TTLL9: variants seen among roughly 807,000 people sequenced by gnomAD.
The protein encoded by TTLL9 is probable tubulin polyglutamylase TTLL9.
In TTLL9, 47 loss-of-function variants were observed where a neutral mutation model predicts 65.6. The ratio of observed to expected loss-of-function variants is 0.72; its 90% CI spans 0.57 to 0.91. The LOEUF (loss-of-function observed/expected upper bound fraction) is 0.91, where lower values mean the gene tolerates loss of function less well. TTLL9 is among the 40% of genes least tolerant of loss of function. The pLI is 0.00. For synonymous variants in TTLL9, 179 were observed against 204.8 expected, an observed-to-expected ratio of 0.87 and a Z score of 1.07; for missense variants, 537 against 568.8, an observed-to-expected ratio of 0.94 and a Z score of 0.57.
intron 6 of TTLL9, 31 bp from the exon 7 acceptor site, chr20:31,919,833 G>C (rs1393904214): frequency 6.4e-7 from 1 of 1,568,810 alleles, no homozygotes; most frequent in Non-Finnish European, 8.6e-7. Context: ...GCAGAGCTAA[G>C]AGCTGGCTTT....
chr20:31,899,866 G>T (rs540627927), intron 4 of TTLL9, among the ~76,000 whole-genome samples: 1 of 151,842 alleles, frequency 6.6e-6, no homozygotes, highest in African/African-American at 2.4e-5. Context: ...CCAGGTTCAC[G>T]CCATTCTCCT....
chr20:31,870,654 C>A lies in TTLL9; in HGVS notation c.-301C>A, dbSNP rs2062906449. 8 of 1,261,302 alleles carry A rather than the reference C, an allele frequency of 6.3e-6. No homozygotes were observed. The highest frequency in any genetic ancestry group is 8.1e-6 in the Non-Finnish European group (8 of 989,886). The allele number at this position is 1,261,302 out of a possible 1,614,324, so 78.1% of individuals were successfully genotyped here. A position where few individuals can be genotyped will look rare whatever the true frequency, so the allele number is the denominator to read the frequency against. The stretch of plus-strand genomic sequence containing the variant: ...GCCCCAGTGTGCCGGGCCCACGGCC[C>A]GCGGGACAACGGCAGTTTGTTGGGG... On this transcript the variant is annotated 5_prime_UTR_variant, in exon 1 of 15. Transcript: ENST00000535842. The surrounding 1 kb of genome is among the most constrained non-coding windows in gnomAD (Gnocchi z 6.6).
chr20:31,930,033 T>C (rs766361806), intron 10 of TTLL9, among the ~76,000 whole-genome samples: 8 of 151,964 alleles, frequency 5.3e-5, no homozygotes, highest in Non-Finnish European at 7.4e-5. Flanking sequence ...GAGGCTGAGG[T>C]AGGAGAATCA....
chr20:31,902,088 A>G (rs955823751), intron 4 of TTLL9, among the ~76,000 whole-genome samples: 1 of 149,192 alleles, frequency 6.7e-6, no homozygotes, highest in African/African-American at 2.5e-5. Flanking sequence ...GCATATTCAC[A>G]AAGTTGTGTA....
intron 4 of TTLL9, among the ~76,000 whole-genome samples, chr20:31,906,086 A>G (rs573396258): frequency 5.3e-5 from 8 of 151,708 alleles, no homozygotes; most frequent in East Asian, 1.9e-4. Flanking sequence ...ATCTCCATTT[A>G]CAACACAAGG....
At chr20:31,892,109 G>A (rs1001523796) in intron 3 of TTLL9, among the ~76,000 whole-genome samples, 2 of 151,538 alleles carry the variant, frequency 1.3e-5, no homozygotes, top group African/African-American at 4.8e-5. Context: ...GGCCTAAGCC[G>A]ATAAATTTTT....
At chr20:31,890,027 TTTCTTTCCTTCCTTCC>T (rs2063271237) in intron 3 of TTLL9, among the ~76,000 whole-genome samples, 1 of 120,892 alleles carries the variant, frequency 8.3e-6, no homozygotes, top group African/African-American at 3.3e-5. Flanking sequence ...TCTTTCTTTC[TTTCTTTCCTTCCTTCC>T]TTCTTTCTTT....
rs2063082227 is a variant in TTLL9 at position 31,879,712 on chromosome 20, C to T, written c.70-7484C>T. ...CCTAGGCTGCCAGGACGCCCAATAG[C>T]CTCCAGAGGTTCTGGTGGACCAGAG... On this transcript the variant is annotated intron_variant, in intron 2 of 14. Transcript: ENST00000535842. 16 of 1,123,290 alleles carry T rather than the reference C, an allele frequency of 1.4e-5. No homozygotes were observed. The South Asian group carries it at 1.9e-4, about 13-fold the overall frequency. 69.6% of individuals were successfully genotyped at this position (1,123,290 alleles called of 1,614,324 possible). A position where few individuals can be genotyped will look rare whatever the true frequency, so the allele number is the denominator to read the frequency against.
chr20:31,930,562 G>C (rs1399998855), intron 10 of TTLL9, among the ~76,000 whole-genome samples: 1 of 152,030 alleles, frequency 6.6e-6, no homozygotes, highest in East Asian at 1.9e-4. Flanking sequence ...TAATTCATGT[G>C]GGATTTTCAT....
chr20:31,887,344 A>G, intron 3 of TTLL9, 105 bp downstream of exon 3: 1 of 1,267,526 alleles, frequency 7.9e-7, no homozygotes, highest in South Asian at 1.3e-5. Flanking sequence ...ATTATAATGA[A>G]AATGATAGTA....
At chr20:31,871,277 G>C (rs904284865) in intron 2 of TTLL9, 82 bp downstream of exon 2, 75 of 1,466,492 alleles carry the variant, frequency 5.1e-5, no homozygotes, top group Admixed American at 6.7e-5. Context: ...TAGAGGTCAG[G>C]GTCCTGGAAG....
chr20:31,889,038 G>GCACA lies in TTLL9; in HGVS notation c.113+1824_113+1827dup, dbSNP rs3220144. Among the ~76,000 whole-genome samples the GCACA allele has an allele frequency of 8.4e-3, 1,238 of 147,306 alleles. 8 individuals carry two copies. Among genetic ancestry groups the GCACA allele is most frequent in the Middle Eastern group, 0.024 (7 of 288 alleles). ...GGCCCCATCTACTTATTTTATAAAGGCACACACACACACACACACACACAC... is the reference window on the plus strand; with the variant it reads ...GGCCCCATCTACTTATTTTATAAAGGCACACACACACACACACACACACACACAC... On this transcript the variant is annotated intron_variant, in intron 3 of 14. Coordinates refer to ENST00000535842, the MANE Select transcript of TTLL9 (RefSeq NM_001008409.5).
chr20:31,936,626 C>A (rs2064113507), intron 12 of TTLL9, among the ~76,000 whole-genome samples: 1 of 152,200 alleles, frequency 6.6e-6, no homozygotes, highest in South Asian at 2.1e-4. Flanking sequence ...ACAGTCTCCA[C>A]CCCTCCCCAC....
intron 10 of TTLL9, among the ~76,000 whole-genome samples, chr20:31,930,869 G>A (rs1307935553): frequency 2.0e-5 from 3 of 152,032 alleles, no homozygotes; most frequent in East Asian, 3.9e-4. Flanking sequence ...CTCTAGAGAC[G>A]GGAGGCTCTG....
intron 3 of TTLL9, among the ~76,000 whole-genome samples, chr20:31,897,949 G>C (rs1241282646): frequency 6.6e-6 from 1 of 152,162 alleles, no homozygotes; most frequent in Admixed American, 6.5e-5. Flanking sequence ...TTCTGGGTTG[G>C]TGGCTTTTCA....
At chr20:31,939,834 A>AT (rs2064175936) in intron 14 of TTLL9, 1 of 152,288 alleles carries the variant, frequency 6.6e-6, no homozygotes, top group Non-Finnish European at 1.5e-5. Context: ...GGTTTTGGCC[A>AT]TAAGTGGTGA....
intron 3 of TTLL9, among the ~76,000 whole-genome samples, chr20:31,896,132 G>A (rs972545178): frequency 3.9e-5 from 6 of 152,016 alleles, no homozygotes; most frequent in African/African-American, 9.7e-5. Context: ...GAGCCACTGC[G>A]CCCGGCCTGA....
intron 2 of TTLL9, among the ~76,000 whole-genome samples, chr20:31,873,820 G>GGAA (rs2062991705): frequency 5.5e-5 from 3 of 54,622 alleles, no homozygotes; most frequent in African/African-American, 2.1e-4. Flanking sequence ...AAGGAAGGAA[G>GGAA]GAAGAAAGAA....
intron 2 of TTLL9, among the ~76,000 whole-genome samples, chr20:31,875,623 A>G (rs748192176): frequency 3.9e-5 from 6 of 152,184 alleles, no homozygotes; most frequent in Non-Finnish European, 5.9e-5. Context: ...ACTGACTCCT[A>G]TTAGACTTGT....
Sources: allele counts gnomAD v4.1 joint callset (sites outside exome capture counted in the v4.1 genomes callset), GRCh38; gene constraint gnomAD v4.1.1; non-coding constraint Gnocchi (gnomAD v3.1); transcripts MANE v1.5; gene names NCBI Gene and HGNC (gene_info 2026-07-23, HGNC 2026-07-21).